Variants in CLTCL1 observed in about 807,000 individuals in gnomAD.
CLTCL1 encodes clathrin heavy chain 2.
Under a neutral mutation model 190.0 loss-of-function variants are expected in CLTCL1, and 159 were observed. The observed-to-expected ratio is 0.84, with a 90% CI of 0.74 to 0.95. The LOEUF (loss-of-function observed/expected upper bound fraction) is 0.95, where lower values mean the gene tolerates loss of function less well. CLTCL1 is among the 40% of genes least tolerant of loss of function. CLTCL1 has a pLI of 0.00. For synonymous variants in CLTCL1, 752 were observed against 769.6 expected, an observed-to-expected ratio of 0.98 and a Z score of 0.38; for missense variants, 1,878 against 2,033.4, an observed-to-expected ratio of 0.92 and a Z score of 1.47.
At chr22:19,191,981 G>A (rs1555932417) in intron 26 of CLTCL1, among the ~76,000 whole-genome samples, 1 of 151,990 alleles carries the variant, frequency 6.6e-6, no homozygotes, top group African/African-American at 2.4e-5. Flanking sequence ...GTGCTCCTGG[G>A]TCTCGAGATT....
At chr22:19,186,192 TACTC>T (rs2084309497) in intron 29 of CLTCL1, among the ~76,000 whole-genome samples, 1 of 152,176 alleles carries the variant, frequency 6.6e-6, no homozygotes, top group African/African-American at 2.4e-5. Flanking sequence ...CCTGTGAAGA[TACTC>T]AGGAATGCCT....
Position 19,274,919 on chromosome 22 carries a change from G to A in CLTCL1, c.250+704C>T, listed in dbSNP as rs2087448110. On this transcript the variant is annotated intron_variant, in intron 2 of 32. Coordinates refer to ENST00000427926, the MANE Select transcript of CLTCL1 (RefSeq NM_007098.4). The stretch of plus-strand genomic sequence containing the variant: ...TTTTTTGTATTTTTAATAGAGATGG[G>A]GTTTCTCCATGTTGGTCAGGCTAGT... Among the ~76,000 whole-genome samples the A allele has an allele frequency of 3.3e-5, 5 of 151,790 alleles. No individual in the cohort carries two copies. The South Asian group carries it at 8.3e-4, about 25-fold the overall frequency.
At chr22:19,245,978 G>GT (rs2086405528) in intron 3 of CLTCL1, among the ~76,000 whole-genome samples, 1 of 152,158 alleles carries the variant, frequency 6.6e-6, no homozygotes, top group African/African-American at 2.4e-5. Flanking sequence ...CTGTGTAAAA[G>GT]TTTTTGTGTG....
intron 2 of CLTCL1, among the ~76,000 whole-genome samples, chr22:19,268,165 A>C (rs918384255): frequency 2.6e-5 from 4 of 152,172 alleles, no homozygotes; most frequent in African/African-American, 9.7e-5. Context: ...GGAGGGACTT[A>C]GGTTCCTTTT....
At position 19,267,955 on chromosome 22, in the gene CLTCL1, A is replaced by G. The variant is rs566592677; in HGVS notation, c.250+7668T>C. Among the ~76,000 whole-genome samples, 104 of 152,248 alleles carry G rather than the reference A, an allele frequency of 6.8e-4. 2 individuals carry two copies. The South Asian group carries it at 0.021, about 30-fold the overall frequency. ...GCTAAGCACTCTTAGCTATGACTCC[A>G]AAAGCATGATCCATTAAAGAAAAAA... On this transcript the variant is annotated intron_variant, in intron 2 of 32. Transcript: ENST00000427926.
At chr22:19,287,850 A>G (rs1207602983) in intron 1 of CLTCL1, among the ~76,000 whole-genome samples, 2 of 152,128 alleles carry the variant, frequency 1.3e-5, no homozygotes, top group Non-Finnish European at 2.9e-5. Context: ...CCTGCTGACC[A>G]TTTCCTGGCC....
chr22:19,251,773 T>G (rs1270609392), intron 3 of CLTCL1, among the ~76,000 whole-genome samples: 2 of 152,226 alleles, frequency 1.3e-5, no homozygotes, highest in African/African-American at 4.8e-5. Flanking sequence ...AGATGCCTTT[T>G]ATGTTTTTCT....
intron 19 of CLTCL1, among the ~76,000 whole-genome samples, chr22:19,213,822 A>G (rs1330257700): frequency 6.6e-6 from 1 of 152,118 alleles, no homozygotes; most frequent in Non-Finnish European, 1.5e-5. Flanking sequence ...GGGAATGTTA[A>G]AGGGTGATGG....
intron 26 of CLTCL1, among the ~76,000 whole-genome samples, chr22:19,192,356 C>T (rs1172025942): frequency 6.6e-6 from 1 of 152,194 alleles, no homozygotes; most frequent in Non-Finnish European, 1.5e-5. Context: ...TGAGCCACCG[C>T]GCCCAGCCCT....
At chr22:19,271,684 A>T (rs577233155) in intron 2 of CLTCL1, among the ~76,000 whole-genome samples, 1 of 152,160 alleles carries the variant, frequency 6.6e-6, no homozygotes, top group Non-Finnish European at 1.5e-5. Flanking sequence ...CCAACACACA[A>T]TGTTTCATAA....
rs1367930727 is a variant in CLTCL1 at position 19,233,551 on chromosome 22, T to A, written c.1239A>T (p.Pro413=). 1.9e-5 allele frequency: 30 copies of A among 1,613,892 alleles called. No homozygotes were observed. The highest frequency in any genetic ancestry group is 2.5e-5 in the Non-Finnish European group (30 of 1,179,898). The part of the protein sequence containing the change: ...SIPAQSGQAS[P]LLQYFGILLD... ...GCAGGATTCCGAAGTACTGCAGCAA[T>A]GGAGAAGCCTGGCCAGACTGAGCGG... is the stretch of plus-strand genomic sequence containing the variant. The change falls in exon 8 of 33, where the codon CCA becomes CCT. Residue 413 remains proline (P), a synonymous_variant. Transcript: ENST00000427926.
chr22:19,190,139 C>G (rs2084443692), intron 27 of CLTCL1, among the ~76,000 whole-genome samples: 1 of 152,148 alleles, frequency 6.6e-6, no homozygotes, highest in Non-Finnish European at 1.5e-5. Context: ...CGGGGTTTCA[C>G]CATGTTGGCC....
intron 3 of CLTCL1, among the ~76,000 whole-genome samples, chr22:19,245,186 CTTTTTTTT>C (rs1194266137): frequency 1.1e-4 from 13 of 118,838 alleles, no homozygotes; most frequent in Non-Finnish European, 2.1e-4. Flanking sequence ...TCTCCCCCTC[CTTTTTTTT>C]TTTTTTTTTT....
intron 1 of CLTCL1, among the ~76,000 whole-genome samples, chr22:19,281,056 C>T (rs1324829720): frequency 8.0e-5 from 12 of 150,936 alleles, no homozygotes; most frequent in African/African-American, 2.7e-4. Context: ...TCTGGGAGGC[C>T]GAGGCGGGCA....
intron 22 of CLTCL1, 127 bp from the exon 23 acceptor site, chr22:19,201,620 G>A (rs538774421): frequency 2.0e-5 from 20 of 1,008,478 alleles, no homozygotes; most frequent in East Asian, 7.5e-5. Context: ...CTTTCTGATC[G>A]CACCAGTGAC....
chr22:19,279,160 C>T (rs1201910518), intron 1 of CLTCL1, among the ~76,000 whole-genome samples: 1 of 152,012 alleles, frequency 6.6e-6, no homozygotes, highest in Non-Finnish European at 1.5e-5. Context: ...TTATTTGAGA[C>T]AGTCTCGCTG....
In CLTCL1 at chr22:19,214,238, C is replaced by T. The variant is rs146781311; in HGVS notation, c.3065+1873G>A. On this transcript the variant is annotated intron_variant, in intron 19 of 32. Coordinates refer to ENST00000427926, the MANE Select transcript of CLTCL1 (RefSeq NM_007098.4). The stretch of plus-strand genomic sequence containing the variant: ...CAGCAGGGGCACGTCAGAGGTCCAG[C>T]TGTTCAACATCCTCATCAGCACTGA... 2.6e-3 allele frequency among the ~76,000 whole-genome samples: 391 copies of T among 152,320 alleles called. 1 individual carries two copies. Among genetic ancestry groups the T allele is most frequent in the Non-Finnish European group, 4.2e-3 (289 of 68,034 alleles).
At chr22:19,256,797 C>T (rs1555972838) in intron 2 of CLTCL1, among the ~76,000 whole-genome samples, 1 of 152,008 alleles carries the variant, frequency 6.6e-6, no homozygotes, top group African/African-American at 2.4e-5. Flanking sequence ...ACCACCCTGG[C>T]CCAGCATCTT....
rs1555929009 is a variant in CLTCL1, at chr22:19,187,654, C to T, written c.4509G>A (p.Gln1503=). ...CCGCAATGCACCTGAACTCCATCAG[C>T]TGATGCTTCTCCAGCTGCTGAGCCA... ...ISLAQQLEKH[Q]LMEFRCIAAY... The change falls in exon 29 of 33, where the codon CAG becomes CAA. Residue 1503 remains glutamine (Q), a synonymous_variant. Transcript: ENST00000427926. The T allele has an allele frequency of 1.2e-6, 2 of 1,613,738 alleles. No individual in the cohort carries two copies. The highest frequency in any genetic ancestry group is 1.7e-6 in the Non-Finnish European group (2 of 1,179,912).
Sources: gnomAD v4.1 joint callset for allele counts (sites outside exome capture counted in the v4.1 genomes callset) on GRCh38, gnomAD v4.1.1 for gene constraint, MANE v1.5 for transcripts, NCBI Gene and HGNC (gene_info 2026-07-23, HGNC 2026-07-21) for gene names.